CDH10: variants seen among roughly 807,000 people sequenced by gnomAD.
CDH10 encodes the protein cadherin-10.
Under a neutral mutation model 73.1 loss-of-function variants are expected in CDH10, and 30 were observed. The ratio of observed to expected loss-of-function variants is 0.41; its 90% confidence interval spans 0.31 to 0.56. The LOEUF is 0.56. Among genes scored for constraint, CDH10 ranks in the 20% least tolerant of loss-of-function variants. CDH10 has a pLI of 0.27. For missense variants in CDH10, 815 were observed against 973.7 expected (o/e 0.84, Z 2.17); for synonymous variants, 345 against 348.2 (o/e 0.99, Z 0.10).
chr5:24,594,368 C>T (rs901252385), intron 1 of CDH10, among the ~76,000 whole-genome samples: 2 of 151,908 alleles, frequency 1.3e-5, no homozygotes, highest in East Asian at 1.9e-4. Context: ...CTACACCCTC[C>T]GTGCCACTAT....
intron 5 of CDH10, among the ~76,000 whole-genome samples, chr5:24,532,892 A>G (rs534726031): frequency 2.8e-4 from 43 of 152,148 alleles, no homozygotes; most frequent in African/African-American, 1.0e-3. Context: ...AGGCTTCATG[A>G]ACTGTAGAAC....
At chr5:24,615,672 A>G (rs1747102615) in intron 1 of CDH10, among the ~76,000 whole-genome samples, 1 of 152,228 alleles carries the variant, frequency 6.6e-6, no homozygotes, top group South Asian at 2.1e-4. Context: ...TATAATTCCC[A>G]AATAATACCA....
At chr5:24,555,911 A>T (rs1027393923) in intron 2 of CDH10, among the ~76,000 whole-genome samples, 9 of 152,102 alleles carry the variant, frequency 5.9e-5, no homozygotes, top group Non-Finnish European at 1.3e-4. Context: ...TGCCATCTTT[A>T]CTATACCTCA....
chr5:24,540,250 A>G, intron 2 of CDH10, among the ~76,000 whole-genome samples: 1 of 151,896 alleles, frequency 6.6e-6, no homozygotes, highest in East Asian at 1.9e-4. Flanking sequence ...ATATGTTATT[A>G]ATTTTGCATT....
intron 5 of CDH10, among the ~76,000 whole-genome samples, chr5:24,522,960 C>T (rs1469264045): frequency 2.6e-5 from 4 of 151,874 alleles, no homozygotes; most frequent in Non-Finnish European, 5.9e-5. Context: ...TGAGAGTGCT[C>T]GTAGGACAGA....
chr5:24,576,476 A>G (rs894343303), intron 2 of CDH10, among the ~76,000 whole-genome samples: 1 of 152,116 alleles, frequency 6.6e-6, no homozygotes, highest in Non-Finnish European at 1.5e-5. Flanking sequence ...TCACTGGGCT[A>G]GAAAATACAA....
chr5:24,518,138 C>T (rs942325192), intron 5 of CDH10, among the ~76,000 whole-genome samples: 8 of 152,172 alleles, frequency 5.3e-5, no homozygotes, highest in Non-Finnish European at 1.2e-4. Flanking sequence ...AACCTCTAAG[C>T]TTGTCCTAAC....
intron 1 of CDH10, among the ~76,000 whole-genome samples, chr5:24,614,158 C>T (rs1314740567): frequency 6.6e-6 from 1 of 152,002 alleles, no homozygotes; most frequent in African/African-American, 2.4e-5. Context: ...CATGATGGAT[C>T]CAAAAATGTT....
intron 2 of CDH10, among the ~76,000 whole-genome samples, chr5:24,586,609 AT>A (rs200907966): frequency 0.024 from 3,567 of 149,982 alleles, 127 homozygotes; most frequent in African/African-American, 0.078. Context: ...TGCCCGGATA[AT>A]TTTTTTGTAT....
chr5:24,580,292 T>C (rs1249749853), intron 2 of CDH10, among the ~76,000 whole-genome samples: 1 of 152,166 alleles, frequency 6.6e-6, no homozygotes, highest in Non-Finnish European at 1.5e-5. Flanking sequence ...TTATACAAGA[T>C]ATTTCCCTGT....
intron 11 of CDH10, 61 bp from the exon 12 acceptor site, chr5:24,488,214 G>A: frequency 7.4e-7 from 1 of 1,348,330 alleles, no homozygotes; most frequent in Non-Finnish European, 1.0e-6. Context: ...ATAACGAGTG[G>A]AAATACTATA....
chr5:24,644,777 A>G lies in CDH10; in HGVS notation c.-307T>C, dbSNP rs900321817. 7 of 151,292 alleles carry G rather than the reference A, an allele frequency of 4.6e-5. No individual in the cohort carries two copies. Among genetic ancestry groups the G allele is most frequent in the African/African-American group, 1.5e-4 (6 of 41,238 alleles). The allele number at this position is 151,292 out of a possible 1,614,324, so 9.4% of individuals were successfully genotyped here. A position where few individuals can be genotyped will look rare whatever the true frequency, so the allele number is the denominator to read the frequency against. On this transcript the variant is annotated 5_prime_UTR_variant, in exon 1 of 12. Transcript: ENST00000264463. The stretch of plus-strand genomic sequence containing the variant: ...TCTGGACAGCAGGGAACCGAAGAAA[A>G]CGGGGGCGAGCTCTCTCTGATTGGC...
chr5:24,604,851 G>A, intron 1 of CDH10, among the ~76,000 whole-genome samples: 1 of 127,034 alleles, frequency 7.9e-6, no homozygotes, highest in African/African-American at 3.5e-5. Flanking sequence ...CAAACCTGGG[G>A]AACAAGAGCA....
intron 1 of CDH10, among the ~76,000 whole-genome samples, chr5:24,595,906 T>G (rs1011262096): frequency 1.3e-5 from 2 of 151,926 alleles, no homozygotes; most frequent in Non-Finnish European, 2.9e-5. Flanking sequence ...ATTGAATAAT[T>G]GGACCCCACA....
intron 2 of CDH10, among the ~76,000 whole-genome samples, chr5:24,589,244 T>C (rs1490881250): frequency 6.6e-6 from 1 of 152,112 alleles, no homozygotes; most frequent in Non-Finnish European, 1.5e-5. Context: ...GAGAAAAATA[T>C]ATGCTTTAAG....
intron 1 of CDH10, among the ~76,000 whole-genome samples, chr5:24,599,450 T>C (rs971981153): frequency 6.6e-6 from 1 of 152,162 alleles, no homozygotes; most frequent in Non-Finnish European, 1.5e-5. Flanking sequence ...AAAGAATCCA[T>C]TAAAGATTAT....
At chr5:24,598,510 A>G (rs913506817) in intron 1 of CDH10, among the ~76,000 whole-genome samples, 3 of 151,928 alleles carry the variant, frequency 2.0e-5, no homozygotes, top group Admixed American at 6.6e-5. Flanking sequence ...AAACATTTCA[A>G]TACGAAAGAA....
intron 7 of CDH10, among the ~76,000 whole-genome samples, chr5:24,505,641 C>T (rs985498928): frequency 1.3e-5 from 2 of 152,148 alleles, no homozygotes; most frequent in African/African-American, 4.8e-5. Flanking sequence ...AGATTATTCC[C>T]AGAAGCTATG....
chr5:24,531,440 C>G (rs918086162), intron 5 of CDH10, among the ~76,000 whole-genome samples: 1 of 152,120 alleles, frequency 6.6e-6, no homozygotes, highest in Middle Eastern at 3.4e-3. Context: ...TATTCTCATG[C>G]TGCTGATAAA....
Sources: allele counts gnomAD v4.1 joint callset (sites outside exome capture counted in the v4.1 genomes callset), GRCh38; gene constraint gnomAD v4.1.1; transcripts MANE v1.5; gene names NCBI Gene and HGNC (gene_info 2026-07-23, HGNC 2026-07-21).